The following CFAP45 variants were observed in gnomAD, a reference collection of about 807,000 sequenced individuals.
The protein encoded by CFAP45 is cilia- and flagella-associated protein 45.
Under a neutral mutation model 75.6 loss-of-function variants are expected in CFAP45, and 43 were observed. That is an observed-to-expected ratio of 0.57 (90% CI 0.45 to 0.73). The LOEUF is 0.73. Among genes scored for constraint, CFAP45 ranks in the 30% least tolerant of loss-of-function variants. CFAP45 has a pLI of 0.00. For synonymous variants in CFAP45, 223 were observed against 244.6 expected, an observed-to-expected ratio of 0.91 and a Z score of 0.82; for missense variants, 689 against 701.5, an observed-to-expected ratio of 0.98 and a Z score of 0.20.
At chr1:159,886,396 ATAAG>A in intron 6 of CFAP45, 111 bp downstream of exon 6, 1 of 941,406 alleles carries the variant, frequency 1.1e-6, no homozygotes, top group South Asian at 1.5e-5. Context: ...TTTTGAGATA[ATAAG>A]TAGATGACAA....
intron 2 of CFAP45, 130 bp from the exon 3 acceptor site, chr1:159,890,752 CTTTTCTT>C: frequency 2.6e-6 from 1 of 377,462 alleles, no homozygotes; most frequent in Non-Finnish European, 4.3e-6. Flanking sequence ...ACCAGCTTTT[CTTTTCTT>C]TTTTTTTTTT....
Position 159,890,491 on chromosome 1 carries a change from G to A in CFAP45, c.261C>T (p.Val87=). The A allele has an allele frequency of 6.2e-7, 1 of 1,614,098 alleles. No individual in the cohort carries two copies. Among genetic ancestry groups the A allele is most frequent in the Non-Finnish European group, 8.5e-7 (1 of 1,180,016 alleles). ...GACGGTGTACTCACATGAGTTCTCG[G>A]ACCATGTCCCGGGTGATGAGCTGGA... is the stretch of plus-strand genomic sequence containing the variant. ...ETIQLITRDM[V]RELIVPTEDP... The change falls in exon 3 of 12, where the codon GTC becomes GTT. Residue 87 remains valine, a synonymous_variant. Transcript: ENST00000368099.
chr1:159,880,376 G>A (rs2494522), intron 8 of CFAP45, among the ~76,000 whole-genome samples, 178 bp downstream of exon 8: 2,137 of 152,244 alleles, frequency 0.014, 55 homozygotes, highest in African/African-American at 0.049. Context: ...CTCTGTTAAC[G>A]AACAAGTGGA....
At chr1:159,874,492 T>C (rs1440882045) in intron 10 of CFAP45, among the ~76,000 whole-genome samples, 1 of 152,222 alleles carries the variant, frequency 6.6e-6, no homozygotes, top group East Asian at 1.9e-4. Flanking sequence ...AAATCCTGAC[T>C]TCCCAGACAC....
At chr1:159,899,627 C>G (rs1650028124) in intron 1 of CFAP45, among the ~76,000 whole-genome samples, 1 of 152,006 alleles carries the variant, frequency 6.6e-6, no homozygotes, top group Non-Finnish European at 1.5e-5. Context: ...GCCACCACGC[C>G]CGGCTAATTT....
chr1:159,891,854 C>G (rs542293540), intron 2 of CFAP45, among the ~76,000 whole-genome samples: 3 of 152,328 alleles, frequency 2.0e-5, no homozygotes, highest in Admixed American at 2.0e-4. Context: ...AAGAGACAAG[C>G]ATTTTTCTGA....
In CFAP45 at chr1:159,876,581, G is replaced by T; in HGVS notation, c.1327C>A (p.Arg443=). 3 of 1,613,914 alleles carry T rather than the reference G, an allele frequency of 1.9e-6. No individual in the cohort carries two copies. Among genetic ancestry groups the T allele is most frequent in the Non-Finnish European group, 2.5e-6 (3 of 1,179,866 alleles). Reference sequence around the variant, plus strand: ...CGAAGAATCCTCTCGAACTCATCCCGGTCCCGTTGCACCTGAACAGCCAGA... The same window carrying T: ...CGAAGAATCCTCTCGAACTCATCCCTGTCCCGTTGCACCTGAACAGCCAGA... ...HALAVQVQRD[R]DEFERILRAQ... Residue 443 remains arginine (R), a synonymous_variant, in exon 10 of 12, where the codon CGG becomes AGG. Coordinates refer to ENST00000368099, the MANE Select transcript of CFAP45 (RefSeq NM_012337.3).
chr1:159,884,111 A>G (rs1358873413), intron 7 of CFAP45, among the ~76,000 whole-genome samples: 1 of 152,172 alleles, frequency 6.6e-6, no homozygotes, highest in Non-Finnish European at 1.5e-5. Flanking sequence ...TGATTGAAGG[A>G]AGACTATAAA....
At position 159,872,583 on chromosome 1, in the gene CFAP45, A is replaced by T. The variant is rs913119428; in HGVS notation, c.1578-20T>A. The T allele has an allele frequency of 1.2e-6, 2 of 1,609,322 alleles. No individual in the cohort carries two copies. Among genetic ancestry groups the T allele is most frequent in the Admixed American group, 3.3e-5 (2 of 60,016 alleles). ...GTGGCTCTGCCGGGGAAACGCAGGC[A>T]GGTATAAGGAAAGGTATTGGACCAG... On this transcript the variant is annotated intron_variant, in intron 11 of 11. Coordinates refer to ENST00000368099, the MANE Select transcript of CFAP45 (RefSeq NM_012337.3).
At chr1:159,894,480 C>T (rs1318527282) in intron 1 of CFAP45, among the ~76,000 whole-genome samples, 1 of 152,208 alleles carries the variant, frequency 6.6e-6, no homozygotes, top group Non-Finnish European at 1.5e-5. Flanking sequence ...TGGAAAAGTG[C>T]CTCACCCACT....
At chr1:159,885,732 C>G (rs1228658755) in intron 6 of CFAP45, among the ~76,000 whole-genome samples, 1 of 152,170 alleles carries the variant, frequency 6.6e-6, no homozygotes, top group South Asian at 2.1e-4. Flanking sequence ...CAGAAAGCCA[C>G]AGCACAAGAG....
chr1:159,882,193 C>T (rs1649565094), intron 7 of CFAP45, among the ~76,000 whole-genome samples: 1 of 152,160 alleles, frequency 6.6e-6, no homozygotes, highest in South Asian at 2.1e-4. Flanking sequence ...TTTCTTTGCT[C>T]ACTCCACTTT....
Position 159,876,765 on chromosome 1 carries a change from G to A in CFAP45, c.1159-16C>T, listed in dbSNP as rs1019601081. 1.2e-6 allele frequency: 2 copies of A among 1,614,014 alleles called. No individual in the cohort carries two copies. The highest frequency in any genetic ancestry group is 1.7e-6 in the Non-Finnish European group (2 of 1,180,008). ...GCAAGGCATCCTGGGAATGTTGGCA[G>A]GGGACCAGTGAGGGCACAAAATAGC... On this transcript the variant is annotated splice_polypyrimidine_tract_variant and intron_variant, in intron 9 of 11. Coordinates refer to ENST00000368099, the MANE Select transcript of CFAP45 (RefSeq NM_012337.3).
rs1557915524 is a variant in CFAP45, at chr1:159,890,591, A to G, written c.161T>C (p.Ile54Thr). The change falls in exon 3 of 12, where the codon ATT becomes ACT. Residue 54 changes from isoleucine (I) to threonine (T), a missense_variant. Physicochemically the swap from Ile to Thr is moderately conservative, Grantham distance 89. Transcript: ENST00000368099. ...GGTATGCTTATCTCGGAGCAGCACA[A>G]TGGGGCTGTCGCTCTGGCCCTGGGC... ...SPAQGQSDSPIVLLRDKHTLQ... is the reference protein window; with the variant it reads ...SPAQGQSDSPTVLLRDKHTLQ... The G allele has an allele frequency of 1.9e-6, 3 of 1,614,016 alleles. No homozygotes were observed. Among genetic ancestry groups the G allele is most frequent in the Non-Finnish European group, 2.5e-6 (3 of 1,179,992 alleles).
intron 1 of CFAP45, chr1:159,898,334 G>A: frequency 1.9e-6 from 1 of 515,278 alleles, no homozygotes; most frequent in Non-Finnish European, 2.5e-6. Context: ...CCTTCTGCAG[G>A]ATTTTAATCA....
chr1:159,880,212 G>T (rs1649518845), intron 8 of CFAP45, among the ~76,000 whole-genome samples: 1 of 152,026 alleles, frequency 6.6e-6, no homozygotes, highest in Non-Finnish European at 1.5e-5. Flanking sequence ...GATTACCGGG[G>T]GTATAATTAC....
rs1414601728 is a variant in CFAP45 at position 159,899,992 on chromosome 1, T to C, written c.3+104A>G. 3 of 1,321,986 alleles carry C rather than the reference T, an allele frequency of 2.3e-6. No homozygotes were observed. The South Asian group carries it at 3.8e-5, about 17-fold the overall frequency. 81.9% of individuals were successfully genotyped at this position (1,321,986 alleles called of 1,614,324 possible). On this transcript the variant is annotated intron_variant, in intron 1 of 11. Transcript: ENST00000368099. ...TGTTCTCCTTACTCCTGGGCCCTCC[T>C]GACCCCTAGACCCAACTGTGACCTC...
chr1:159,874,815 C>G (rs1557910506), intron 10 of CFAP45, among the ~76,000 whole-genome samples: 2 of 152,176 alleles, frequency 1.3e-5, no homozygotes, highest in East Asian at 3.8e-4. Context: ...GGAAGTGAAG[C>G]CTGGTCATCG....
intron 2 of CFAP45, among the ~76,000 whole-genome samples, chr1:159,891,203 T>C (rs1358911797): frequency 2.0e-5 from 3 of 152,252 alleles, no homozygotes; most frequent in African/African-American, 7.2e-5. Flanking sequence ...TTCTGTTCTC[T>C]AGGTTTTCCT....
Sources: allele counts gnomAD v4.1 joint callset (sites outside exome capture counted in the v4.1 genomes callset), GRCh38; gene constraint gnomAD v4.1.1; transcripts MANE v1.5; gene names NCBI Gene and HGNC (gene_info 2026-07-23, HGNC 2026-07-21).